The following ADCY10 variants were observed in gnomAD, a reference collection of about 807,000 sequenced individuals.
The protein encoded by ADCY10 is adenylate cyclase 10.
Under a neutral mutation model 183.3 loss-of-function variants are expected in ADCY10, and 156 were observed. That is an observed-to-expected ratio of 0.85 (90% CI 0.75 to 0.97). ADCY10 has a LOEUF of 0.97. Ranked by LOEUF, ADCY10 falls within the 50% of genes least tolerant of loss-of-function variation. The probability of loss-of-function intolerance (pLI) is 0.00; values close to 1 mark genes in which losing one functional copy is unlikely to be tolerated. For synonymous variants in ADCY10, 645 were observed against 670.0 expected (o/e 0.96, Z 0.58); for missense variants, 1,745 against 1,934.3 (o/e 0.90, Z 1.84).
intron 31 of ADCY10, among the ~76,000 whole-genome samples, chr1:167,813,039 G>C (rs1170671193): frequency 6.6e-6 from 1 of 152,140 alleles, no homozygotes; most frequent in Non-Finnish European, 1.5e-5. Context: ...TAAATGCATT[G>C]TGGAAGTCCC....
chr1:167,903,098 A>C (rs942680564), intron 3 of ADCY10, among the ~76,000 whole-genome samples: 1 of 146,996 alleles, frequency 6.8e-6, no homozygotes, highest in African/African-American at 2.5e-5. Context: ...CTACTGAAAA[A>C]AATACAAAAT....
intron 14 of ADCY10, among the ~76,000 whole-genome samples, chr1:167,863,729 C>T (rs574065427): frequency 2.1e-4 from 32 of 152,332 alleles, no homozygotes; most frequent in Non-Finnish European, 7.3e-5. Flanking sequence ...GCATTTGCCC[C>T]GGTGGGACAC....
At chr1:167,833,828 G>A (rs1663978283) in intron 24 of ADCY10, 142 bp downstream of exon 24, 1 of 688,508 alleles carries the variant, frequency 1.5e-6, no homozygotes, top group South Asian at 1.6e-5. Context: ...TGGAGCCCAG[G>A]GATTTGAGTT....
At chr1:167,823,499 G>A (rs996003076) in intron 28 of ADCY10, among the ~76,000 whole-genome samples, 1 of 151,276 alleles carries the variant, frequency 6.6e-6, no homozygotes, top group Non-Finnish European at 1.5e-5. Context: ...AGGGAAGTGA[G>A]GAATAAAAGA....
intron 8 of ADCY10, among the ~76,000 whole-genome samples, chr1:167,890,865 T>C (rs892485696): frequency 6.6e-6 from 1 of 152,230 alleles, no homozygotes; most frequent in Non-Finnish European, 1.5e-5. Context: ...AACTGATGTA[T>C]GGAGAAGTAA....
chr1:167,830,536 C>T (rs1318454344), intron 25 of ADCY10, among the ~76,000 whole-genome samples: 3 of 152,100 alleles, frequency 2.0e-5, no homozygotes. Flanking sequence ...GGATTACAGG[C>T]ACACACCACC....
At chr1:167,875,770 GA>G (rs1667412047) in intron 12 of ADCY10, among the ~76,000 whole-genome samples, 1 of 152,128 alleles carries the variant, frequency 6.6e-6, no homozygotes, top group Non-Finnish European at 1.5e-5. Context: ...CTAACACGGT[GA>G]AACCCCGTCT....
intron 30 of ADCY10, chr1:167,819,876 TAGCCAAATATTTAA>T (rs1345231153): frequency 2.4e-6 from 2 of 833,356 alleles, no homozygotes; most frequent in African/African-American, 3.4e-5. Flanking sequence ...GATTTTCTAA[TAGCCAAATATTTAA>T]AGCCAAATCG....
chr1:167,873,925 T>C (rs1667273208), intron 13 of ADCY10, among the ~76,000 whole-genome samples: 1 of 152,192 alleles, frequency 6.6e-6, no homozygotes, highest in African/African-American at 2.4e-5. Flanking sequence ...AAAAGTGATA[T>C]ACAGTAGAAA....
rs780914016 is a variant in ADCY10, at chr1:167,833,998, G to C, written c.3389C>G (p.Ser1130Cys). ...KDKSWSQTFE[S>C]ATFYSLKGEV... Reference sequence around the variant, plus strand: ...ACCTTTGAGGCTGTAAAAGGTGGCAGACTCAAATGTCTGGCTCCAAGATTT... The same window carrying C: ...ACCTTTGAGGCTGTAAAAGGTGGCACACTCAAATGTCTGGCTCCAAGATTT... Residue 1130 changes from serine (S) to cysteine (C), a missense_variant, in exon 24 of 33, where the codon TCT becomes TGT. Coordinates refer to ENST00000367851, the MANE Select transcript of ADCY10 (RefSeq NM_018417.6). 7 of 1,614,130 alleles carry C rather than the reference G, an allele frequency of 4.3e-6. 1 individual carries two copies. The South Asian group carries it at 7.7e-5, about 18-fold the overall frequency.
At position 167,863,391 on chromosome 1, in the gene ADCY10, T is replaced by C. The variant is rs367627499; in HGVS notation, c.1617-2328A>G. The stretch of plus-strand genomic sequence containing the variant: ...GTCACGTACCCCCTGGCTTACTCAA[T>C]CGATCACGACCCTCTCATGCGGACC... On this transcript the variant is annotated intron_variant, in intron 14 of 32. Coordinates refer to ENST00000367851, the MANE Select transcript of ADCY10 (RefSeq NM_018417.6). 4.3e-4 allele frequency among the ~76,000 whole-genome samples: 65 copies of C among 152,240 alleles called. 1 individual carries two copies. The highest frequency in any genetic ancestry group is 1.5e-3 in the African/African-American group (64 of 41,556).
chr1:167,891,118 C>T (rs188259704), intron 8 of ADCY10, among the ~76,000 whole-genome samples: 48 of 152,012 alleles, frequency 3.2e-4, no homozygotes, highest in African/African-American at 7.2e-4. Flanking sequence ...TGTGCCACCG[C>T]GCCTGGCTAA....
Position 167,833,099 on chromosome 1 carries a change from G to A in ADCY10, c.3481C>T (p.Leu1161Phe). 7 of 1,614,192 alleles carry A rather than the reference G, an allele frequency of 4.3e-6. No individual in the cohort carries two copies. The highest frequency in any genetic ancestry group is 5.9e-6 in the Non-Finnish European group (7 of 1,180,030). Residue 1161 changes from leucine (L) to phenylalanine (F), a missense_variant, in exon 25 of 33, where the codon CTC (leucine) becomes TTC (phenylalanine). Coordinates refer to ENST00000367851, the MANE Select transcript of ADCY10 (RefSeq NM_018417.6). ...KKMLRKALKL[L>F]NRIFPYNLIS... ...AAGTTGTAAGGAAAGATTCGGTTGA[G>A]GAGCTTCAGTGCCTTCCTCAGCATT...
rs781154117 is a variant in ADCY10 at position 167,829,384 on chromosome 1, GCAGA to G, written c.3629_3632del (p.Val1210AlafsTer26). On this transcript the variant is annotated frameshift_variant, in exon 26 of 33. Coordinates refer to ENST00000367851, the MANE Select transcript of ADCY10 (RefSeq NM_018417.6). LOFTEE classifies it high-confidence loss of function. ...TATAGATGCGCCACAGCAAGGAAAG[GCAGA>G]CAGTTTGCCGGTAAAGTTGTGCCAG... 8.7e-6 allele frequency: 14 copies of G among 1,614,048 alleles called. No individual in the cohort carries two copies. Among genetic ancestry groups the G allele is most frequent in the Admixed American group, 3.3e-5 (2 of 59,998 alleles).
intron 16 of ADCY10, among the ~76,000 whole-genome samples, chr1:167,857,656 T>A (rs1225232271): frequency 1.3e-5 from 2 of 152,230 alleles, no homozygotes; most frequent in Non-Finnish European, 2.9e-5. Flanking sequence ...CTTACTATGT[T>A]CCAAGTACTG....
intron 1 of ADCY10, among the ~76,000 whole-genome samples, chr1:167,912,584 A>G (rs536940550): frequency 6.6e-6 from 1 of 152,210 alleles, no homozygotes; most frequent in South Asian, 2.1e-4. Context: ...TGTAATATAT[A>G]CCTAGCTGAC....
chr1:167,879,897 C>T (rs1667749181), intron 11 of ADCY10, among the ~76,000 whole-genome samples: 1 of 152,192 alleles, frequency 6.6e-6, no homozygotes, highest in Non-Finnish European at 1.5e-5. Flanking sequence ...CCCACTGCTC[C>T]CCTCTCATGA....
chr1:167,904,836 C>G, intron 2 of ADCY10, 157 bp downstream of exon 2: 2 of 928,628 alleles, frequency 2.2e-6, no homozygotes, highest in South Asian at 2.8e-5. Context: ...GGGCCACAAG[C>G]TATTTCCTCC....
chr1:167,884,547 T>C (rs1171671124), intron 8 of ADCY10, among the ~76,000 whole-genome samples: 2 of 152,186 alleles, frequency 1.3e-5, no homozygotes, highest in Non-Finnish European at 2.9e-5. Context: ...AGTTACCCTG[T>C]TGTACTAGCA....
Sources: gnomAD v4.1 joint callset for allele counts (sites outside exome capture counted in the v4.1 genomes callset) on GRCh38, gnomAD v4.1.1 for gene constraint, MANE v1.5 for transcripts, NCBI Gene and HGNC (gene_info 2026-07-23, HGNC 2026-07-21) for gene names.